CD47: variants seen among roughly 807,000 people sequenced by gnomAD.
The protein encoded by CD47 is CD47 molecule, also known as leukocyte surface antigen CD47.
Under a neutral mutation model 44.6 loss-of-function variants are expected in CD47, and 11 were observed. That is an observed-to-expected ratio of 0.25 (90% CI 0.16 to 0.41). CD47 has a LOEUF of 0.41. Ranked by LOEUF, CD47 falls within the 10% of genes least tolerant of loss-of-function variation. The pLI is 1.00. For synonymous variants in CD47, 140 were observed against 136.3 expected, an observed-to-expected ratio of 1.03 and a Z score of -0.19; for missense variants, 306 against 386.7, an observed-to-expected ratio of 0.79 and a Z score of 1.75.
At position 108,071,101 on chromosome 3, in the gene CD47, C is replaced by T. The variant is rs1162571145; in HGVS notation, c.482G>A (p.Gly161Asp). The change falls in exon 3 of 11, where the codon GGT (glycine) becomes GAT (aspartate). Residue 161 changes from glycine (G) to aspartate (D), a missense_variant. Gly to Asp is a moderately conservative substitution (Grantham distance 94). Coordinates refer to ENST00000361309, the MANE Select transcript of CD47 (RefSeq NM_001777.4). Reference sequence around the variant, plus strand: ...GTAGAAATAATACTTACTTTTAATACCAAACTGTCCCCAGAACAGGAGTAT... The same window carrying T: ...GTAGAAATAATACTTACTTTTAATATCAAACTGTCCCCAGAACAGGAGTAT... ...FAILLFWGQF[G>D]IKTLKYRSGG... The T allele has an allele frequency of 3.0e-6, 4 of 1,331,990 alleles. No individual in the cohort carries two copies. The highest frequency in any genetic ancestry group is 4.2e-6 in the Non-Finnish European group (4 of 953,792). The allele number at this position is 1,331,990 out of a possible 1,614,324, so 82.5% of individuals were successfully genotyped here.
intron 2 of CD47, among the ~76,000 whole-genome samples, chr3:108,071,649 A>G (rs2079204825): frequency 6.6e-6 from 1 of 152,232 alleles, no homozygotes; most frequent in African/African-American, 2.4e-5. Context: ...AACTACATGC[A>G]AAGGGCTTAA....
intron 3 of CD47, among the ~76,000 whole-genome samples, chr3:108,061,278 T>G (rs746909706): frequency 4.6e-5 from 7 of 150,706 alleles, no homozygotes; most frequent in Non-Finnish European, 1.0e-4. Flanking sequence ...TCAGACATTG[T>G]CAATGCCCCC....
chr3:108,066,073 C>G (rs2079101712), intron 3 of CD47, among the ~76,000 whole-genome samples: 1 of 151,908 alleles, frequency 6.6e-6, no homozygotes, highest in African/African-American at 2.4e-5. Context: ...GAATTACTTT[C>G]ATTATTAAGC....
intron 6 of CD47, among the ~76,000 whole-genome samples, chr3:108,057,899 T>C (rs956086188): frequency 6.6e-6 from 1 of 152,210 alleles, no homozygotes; most frequent in Non-Finnish European, 1.5e-5. Flanking sequence ...CACCAAGCCA[T>C]ATATACAGCT....
intron 1 of CD47, 113 bp downstream of exon 1, chr3:108,090,750 C>A: frequency 1.0e-6 from 1 of 979,506 alleles, no homozygotes; most frequent in Non-Finnish European, 1.4e-6. Context: ...CCCGAGTGTT[C>A]TGCGCCCCGG....
chr3:108,043,812 T>A lies in CD47; in HGVS notation c.*3476A>T, dbSNP rs1436104831. On this transcript the variant is annotated 3_prime_UTR_variant, in exon 11 of 11. Coordinates refer to ENST00000361309, the MANE Select transcript of CD47 (RefSeq NM_001777.4). Reference sequence around the variant, plus strand: ...AGAGAAATTTATGAGAAAGCTGGTCTTCAATGATCTTAATTAAGAACTGTC... The same window carrying A: ...AGAGAAATTTATGAGAAAGCTGGTCATCAATGATCTTAATTAAGAACTGTC... 6.6e-6 allele frequency: 1 copy of A among 152,624 alleles called. No individual in the cohort carries two copies. Among genetic ancestry groups the A allele is most frequent in the Non-Finnish European group, 1.5e-5 (1 of 68,024 alleles). The allele number at this position is 152,624 out of a possible 1,614,324, so 9.5% of individuals were successfully genotyped here. A position where few individuals can be genotyped will look rare whatever the true frequency, so the allele number is the denominator to read the frequency against.
intron 10 of CD47, 54 bp downstream of exon 10, chr3:108,049,565 T>A: frequency 3.5e-6 from 4 of 1,142,000 alleles, no homozygotes; most frequent in Non-Finnish European, 5.3e-6. Context: ...TTTTTTGTTT[T>A]CCAATGTCCA....
intron 7 of CD47, among the ~76,000 whole-genome samples, chr3:108,055,083 A>G (rs990876852): frequency 6.6e-6 from 1 of 152,184 alleles, no homozygotes; most frequent in Admixed American, 6.5e-5. Flanking sequence ...GAAAAAAAAT[A>G]CAACACAGTT....
At chr3:108,085,110 T>G (rs1023498333) in intron 1 of CD47, among the ~76,000 whole-genome samples, 4 of 152,084 alleles carry the variant, frequency 2.6e-5, no homozygotes, top group Non-Finnish European at 5.9e-5. Flanking sequence ...CTGTACTCCC[T>G]CATTTCCACA....
chr3:108,088,386 G>A (rs567908147), intron 1 of CD47, among the ~76,000 whole-genome samples: 1 of 152,318 alleles, frequency 6.6e-6, no homozygotes, highest in South Asian at 2.1e-4. Context: ...ATGACAGCAT[G>A]AGCAAGTGTC....
Position 108,063,789 on chromosome 3 carries a change from G to T in CD47, c.491-2937C>A, listed in dbSNP as rs116216461. Among the ~76,000 whole-genome samples, 335 of 152,210 alleles carry T rather than the reference G, an allele frequency of 2.2e-3. 1 individual carries two copies. Among genetic ancestry groups the T allele is most frequent in the African/African-American group, 7.5e-3 (312 of 41,524 alleles). On this transcript the variant is annotated intron_variant, in intron 3 of 10. Transcript: ENST00000361309. ...TCTATGTAATTTTTAAAATCTGCAT[G>T]CTCTTAAGGATTACCCTCAGCTACA...
chr3:108,046,982 C>A lies in CD47; in HGVS notation c.*306G>T. Reference sequence around the variant, plus strand: ...ACCTAGAGGCCAGAGGCCCTAGGACCTGAAAGGCATCATTCTTGGAAATTG... The same window carrying A: ...ACCTAGAGGCCAGAGGCCCTAGGACATGAAAGGCATCATTCTTGGAAATTG... On this transcript the variant is annotated 3_prime_UTR_variant, in exon 11 of 11. Coordinates refer to ENST00000361309, the MANE Select transcript of CD47 (RefSeq NM_001777.4). 1 of 306,628 alleles carries A rather than the reference C, an allele frequency of 3.3e-6. No individual in the cohort carries two copies. Among genetic ancestry groups the A allele is most frequent in the East Asian group, 5.7e-5 (1 of 17,544 alleles). 19.0% of individuals were successfully genotyped at this position (306,628 alleles called of 1,614,324 possible).
chr3:108,062,430 G>C (rs1576997180), intron 3 of CD47, among the ~76,000 whole-genome samples: 1 of 152,148 alleles, frequency 6.6e-6, no homozygotes, highest in East Asian at 1.9e-4. Flanking sequence ...TATCTAAATA[G>C]AGCTTGAAAG....
intron 10 of CD47, 49 bp from the exon 11 acceptor site, chr3:108,047,341 T>C (rs780236544): frequency 3.3e-6 from 5 of 1,506,828 alleles, no homozygotes; most frequent in Non-Finnish European, 2.7e-6. Flanking sequence ...GTCTATTTTC[T>C]ATCCATTAAA....
At position 108,044,189 on chromosome 3, in the gene CD47, G is replaced by A. The variant is rs74423809; in HGVS notation, c.*3099C>T. The A allele has an allele frequency of 0.016, 2,375 of 152,678 alleles. 28 individuals carry two copies. The highest frequency in any genetic ancestry group is 0.025 in the Non-Finnish European group (1,672 of 68,002). The allele number at this position is 152,678 out of a possible 1,614,324, so 9.5% of individuals were successfully genotyped here. On this transcript the variant is annotated 3_prime_UTR_variant, in exon 11 of 11. Transcript: ENST00000361309. ...ATTACAGCTTAATTTTTATTACTGA[G>A]ATGGAGGAGTAAACTTATCGTGTTT...
intron 7 of CD47, among the ~76,000 whole-genome samples, chr3:108,055,879 G>C (rs1420301662): frequency 1.3e-5 from 2 of 152,176 alleles, no homozygotes; most frequent in South Asian, 4.1e-4. Flanking sequence ...AGTTCCACTT[G>C]AGACATTGTC....
At chr3:108,087,348 A>T (rs2079541541) in intron 1 of CD47, among the ~76,000 whole-genome samples, 1 of 152,108 alleles carries the variant, frequency 6.6e-6, no homozygotes, top group Admixed American at 6.6e-5. Flanking sequence ...CAATCCCCCT[A>T]ATGAATTTAA....
rs2078975514 is a variant in CD47 at position 108,059,534 on chromosome 3, T to C, written c.609A>G (p.Ser203=). ...GAILFVPGEY[S]LKNATGLGLI... ...AACCAAGGCCAGTAGCATTCTTTAATGAATATTCACCTGTCAATAAATAAA... is the reference window on the plus strand; with the variant it reads ...AACCAAGGCCAGTAGCATTCTTTAACGAATATTCACCTGTCAATAAATAAA... The change falls in exon 5 of 11, where the codon TCA becomes TCG. Residue 203 remains serine, a synonymous_variant. Transcript: ENST00000361309. The C allele has an allele frequency of 1.4e-6, 2 of 1,455,678 alleles. No homozygotes were observed. Among genetic ancestry groups the C allele is most frequent in the African/African-American group, 1.5e-5 (1 of 68,612 alleles). 90.2% of individuals were successfully genotyped at this position (1,455,678 alleles called of 1,614,324 possible). A position where few individuals can be genotyped will look rare whatever the true frequency, so the allele number is the denominator to read the frequency against.
chr3:108,079,942 C>A (rs1349805871), intron 2 of CD47, 49 bp downstream of exon 2: 4 of 1,266,184 alleles, frequency 3.2e-6, no homozygotes, highest in Middle Eastern at 1.9e-4. Flanking sequence ...GAAAGAGGAT[C>A]AGGTTGCACC....
Sources: allele counts gnomAD v4.1 joint callset (sites outside exome capture counted in the v4.1 genomes callset), GRCh38; gene constraint gnomAD v4.1.1; transcripts MANE v1.5; gene names NCBI Gene and HGNC (gene_info 2026-07-23, HGNC 2026-07-21).